Variants in TYW5 observed in about 807,000 individuals in gnomAD.
TYW5 encodes tRNA wybutosine-synthesizing protein 5.
Under a neutral mutation model 44.4 loss-of-function variants are expected in TYW5, and 36 were observed. The ratio of observed to expected loss-of-function variants is 0.81; its 90% CI spans 0.62 to 1.07. TYW5 has a LOEUF of 1.07. Among genes scored for constraint, TYW5 ranks in the 50% least tolerant of loss-of-function variants. The pLI, the probability that TYW5 is intolerant of heterozygous loss-of-function variation, is 0.00. For synonymous variants in TYW5, 121 were observed against 128.1 expected, an observed-to-expected ratio of 0.94 and a Z score of 0.37; for missense variants, 354 against 365.7, an observed-to-expected ratio of 0.97 and a Z score of 0.26.
At position 199,951,213 on chromosome 2, in the gene TYW5, T is replaced by C. The variant is rs180825958; in HGVS notation, c.79-2741A>G. On this transcript the variant is annotated intron_variant, in intron 1 of 7. Transcript: ENST00000354611. ...TAGCCTGTGGTAAAACTGGTTTCAT[T>C]ATAGGTCATTTCCCTTAAAGTTGCA... Among the ~76,000 whole-genome samples, 169 of 152,328 alleles carry C rather than the reference T, an allele frequency of 1.1e-3. 1 individual carries two copies. The highest frequency in any genetic ancestry group is 3.8e-3 in the African/African-American group (159 of 41,562).
chr2:199,945,823 TCC>T (rs2077499721), intron 2 of TYW5: 4 of 152,228 alleles, frequency 2.6e-5, no homozygotes, highest in Admixed American at 2.6e-4. Flanking sequence ...CAACCTTTTC[TCC>T]TAGGTAATGG....
Position 199,936,486 on chromosome 2 carries a change from C to T in TYW5, c.493G>A (p.Asp165Asn). The change falls in exon 6 of 8, where the codon GAT (aspartate) becomes AAT (asparagine). Residue 165 changes from aspartate (D) to asparagine (N), a missense_variant. Coordinates refer to ENST00000354611, the MANE Select transcript of TYW5 (RefSeq NM_001039693.3). ...LQLWTHYDVM[D>N]NLLIQVTGKK... ...CCTGTCACTTGTATTAACAAATTAT[C>T]CATTACCTGAAGACCAATAAAAGCT... is the stretch of plus-strand genomic sequence containing the variant. 3.1e-6 allele frequency: 5 copies of T among 1,612,506 alleles called. No individual in the cohort carries two copies. The highest frequency in any genetic ancestry group is 4.2e-6 in the Non-Finnish European group (5 of 1,179,212).
At chr2:199,947,503 T>A (rs1177500369) in intron 2 of TYW5, 1 of 152,212 alleles carries the variant, frequency 6.6e-6, no homozygotes, top group Non-Finnish European at 1.5e-5. Flanking sequence ...TTAAAGGTAT[T>A]TAAGACTATT....
chr2:199,942,533 C>T (rs1253570896), intron 3 of TYW5: 3 of 152,198 alleles, frequency 2.0e-5, no homozygotes, highest in Non-Finnish European at 4.4e-5. Context: ...ATATATACCA[C>T]TGATTACCCT....
chr2:199,949,346 C>T (rs542250005), intron 1 of TYW5, among the ~76,000 whole-genome samples: 18 of 152,126 alleles, frequency 1.2e-4, no homozygotes, highest in African/African-American at 3.6e-4. Context: ...CCAGCCTGGG[C>T]GACAGAGTGA....
At chr2:199,938,386 A>G (rs1392041913) in intron 5 of TYW5, among the ~76,000 whole-genome samples, 8 of 152,106 alleles carry the variant, frequency 5.3e-5, no homozygotes, top group African/African-American at 1.9e-4. Flanking sequence ...TATTGTACAC[A>G]TTTTTGCTGC....
chr2:199,940,792 C>G (rs926848501), intron 3 of TYW5, among the ~76,000 whole-genome samples: 1 of 152,008 alleles, frequency 6.6e-6, no homozygotes, highest in African/African-American at 2.4e-5. Flanking sequence ...ATGATTTAGT[C>G]TTTATGTTCC....
At chr2:199,951,076 T>C (rs1376002318) in intron 1 of TYW5, among the ~76,000 whole-genome samples, 1 of 152,248 alleles carries the variant, frequency 6.6e-6, no homozygotes, top group Non-Finnish European at 1.5e-5. Context: ...ATGTAGCTCA[T>C]GTTTATTTCA....
At chr2:199,939,621 G>C (rs1051727669) in intron 4 of TYW5, among the ~76,000 whole-genome samples, 2 of 152,098 alleles carry the variant, frequency 1.3e-5, no homozygotes, top group Non-Finnish European at 2.9e-5. Flanking sequence ...ATTCTACTGA[G>C]GGAGGGGACT....
rs1315695562 is a variant in TYW5, at chr2:199,948,482, G to T, written c.79-10C>A. 1.2e-6 allele frequency: 2 copies of T among 1,613,332 alleles called. No homozygotes were observed. The highest frequency in any genetic ancestry group is 2.2e-5 in the South Asian group (2 of 90,892). On this transcript the variant is annotated splice_polypyrimidine_tract_variant and intron_variant, in intron 1 of 7. Transcript: ENST00000354611. ...ACACAAGAGGTTTTCTCTGTAAGTG[G>T]GGAAAGAAATACAACAAAATTCATG...
In TYW5 at chr2:199,940,096, G is replaced by A. The variant is rs768974319; in HGVS notation, c.341C>T (p.Pro114Leu). 1.9e-6 allele frequency: 3 copies of A among 1,612,330 alleles called. No individual in the cohort carries two copies. Among genetic ancestry groups the A allele is most frequent in the Non-Finnish European group, 2.5e-6 (3 of 1,179,198 alleles). ...KYYLRSLGED[P>L]RKDVADIRKQ... ...TACATTTAGAATTCTTACCTTTCTA[G>A]GGTCTTCTCCAAGTGACCGTAAGTA... Residue 114 changes from proline (P) to leucine (L), a missense_variant, in exon 4 of 8, where the codon CCT becomes CTT. Coordinates refer to ENST00000354611, the MANE Select transcript of TYW5 (RefSeq NM_001039693.3).
intron 5 of TYW5, among the ~76,000 whole-genome samples, chr2:199,938,035 C>G (rs1401101759): frequency 6.6e-6 from 1 of 151,674 alleles, no homozygotes; most frequent in Non-Finnish European, 1.5e-5. Context: ...TAAATTTAAG[C>G]AAACAAAATA....
At position 199,932,807 on chromosome 2, in the gene TYW5, T is replaced by C. The variant is rs761764911; in HGVS notation, c.*260A>G. 8.4e-5 allele frequency: 37 copies of C among 438,124 alleles called. No individual in the cohort carries two copies. The highest frequency in any genetic ancestry group is 1.3e-4 in the Non-Finnish European group (33 of 246,998). The allele number at this position is 438,124 out of a possible 1,614,324, so 27.1% of individuals were successfully genotyped here. ...ACATTCTGTCAATAGATTTCATGTA[T>C]TGTGAATCAATATATTTTCTTACTG... On this transcript the variant is annotated 3_prime_UTR_variant, in exon 8 of 8. Coordinates refer to ENST00000354611, the MANE Select transcript of TYW5 (RefSeq NM_001039693.3).
intron 7 of TYW5, 107 bp from the exon 8 acceptor site, chr2:199,933,430 T>C: frequency 1.0e-6 from 1 of 971,204 alleles, no homozygotes; most frequent in South Asian, 1.7e-5. Context: ...TAAGAAATAA[T>C]TCTTGTAACC....
intron 7 of TYW5, 45 bp downstream of exon 7, chr2:199,935,886 T>C (rs561423259): frequency 1.6e-6 from 2 of 1,238,016 alleles, no homozygotes; most frequent in Admixed American, 1.9e-5. Context: ...AGTGACAGAG[T>C]ACACATTTTA....
At chr2:199,942,843 G>T (rs2077475557) in intron 3 of TYW5, 1 of 148,932 alleles carries the variant, frequency 6.7e-6, no homozygotes, top group Non-Finnish European at 1.5e-5. Context: ...TTTAAAATGT[G>T]CTTTTGAATA....
intron 3 of TYW5, among the ~76,000 whole-genome samples, chr2:199,940,828 AGT>A (rs2105699171): frequency 6.6e-6 from 1 of 152,260 alleles, no homozygotes; most frequent in South Asian, 2.1e-4. Context: ...TTATTTTAAT[AGT>A]GTCTTAATAC....
chr2:199,954,920 A>G (rs894270762), intron 1 of TYW5, among the ~76,000 whole-genome samples: 1 of 152,134 alleles, frequency 6.6e-6, no homozygotes. Flanking sequence ...ATATTTCTCT[A>G]TGAGTTTTCT....
intron 5 of TYW5, among the ~76,000 whole-genome samples, chr2:199,936,861 C>G (rs2105693429): frequency 6.6e-6 from 1 of 152,264 alleles, no homozygotes; most frequent in Non-Finnish European, 1.5e-5. Context: ...AGTAAAAGCA[C>G]TTAGAAAAAT....
Sources: allele counts gnomAD v4.1 joint callset (sites outside exome capture counted in the v4.1 genomes callset), GRCh38; gene constraint gnomAD v4.1.1; transcripts MANE v1.5; gene names NCBI Gene and HGNC (gene_info 2026-07-23, HGNC 2026-07-21).